IP6K2: variants seen among roughly 807,000 people sequenced by gnomAD.
IP6K2 encodes ATP:1D-myo-inositol-hexakisphosphate phosphotransferase.
IP6K2 carries 9 observed loss-of-function variants against 43.3 expected under a neutral mutation model. The observed-to-expected ratio is 0.21, with a 90% CI of 0.13 to 0.36. The LOEUF is 0.36. IP6K2 is among the 10% of genes least tolerant of loss of function. IP6K2 has a pLI of 1.00. For missense variants in IP6K2, 332 were observed against 538.4 expected (o/e 0.62, Z 3.79); for synonymous variants, 209 against 202.4 (o/e 1.03, Z -0.28).
chr3:48,715,590 T>C lies in IP6K2; in HGVS notation c.-131+1567A>G, dbSNP rs1011199494. The C allele has an allele frequency of 5.5e-6, 5 of 916,250 alleles. No homozygotes were observed. In the South Asian group the frequency reaches 6.4e-5, roughly 12 times the overall value. 56.8% of individuals were successfully genotyped at this position (916,250 alleles called of 1,614,324 possible). ...CTGATTTCTAGATCTCCCAGGTCCC[T>C]GCCTTGCTCCCTCCCTACCCAGGCC... On this transcript the variant is annotated intron_variant, in intron 1 of 5. Transcript: ENST00000328631.
At chr3:48,692,185 C>T (rs1349770381) in intron 3 of IP6K2, among the ~76,000 whole-genome samples, 1 of 152,170 alleles carries the variant, frequency 6.6e-6, no homozygotes, top group African/African-American at 2.4e-5. Flanking sequence ...GGTGGCTTAC[C>T]GTGTAAACAT....
rs1246712135 is a variant in IP6K2, at chr3:48,695,776, T to A, written c.-130-355A>T. Among the ~76,000 whole-genome samples, 2 of 151,062 alleles carry A rather than the reference T, an allele frequency of 1.3e-5. No individual in the cohort carries two copies. The highest frequency in any genetic ancestry group is 2.1e-4 in the South Asian group (1 of 4,824). On this transcript the variant is annotated intron_variant, in intron 1 of 5. Coordinates refer to ENST00000328631, the MANE Select transcript of IP6K2 (RefSeq NM_016291.4). This position sits in a 1 kb window ranked among gnomAD's most constrained non-coding sequence, Gnocchi z 4.6. ...TGGATTAAATCTTACCATTTTCTAA[T>A]AAGAGTGTCAAGCTTTAAGTGGATG... is the stretch of plus-strand genomic sequence containing the variant.
chr3:48,697,022 T>C (rs991520117), intron 1 of IP6K2, among the ~76,000 whole-genome samples: 2 of 144,654 alleles, frequency 1.4e-5, no homozygotes, highest in Admixed American at 1.4e-4. Flanking sequence ...GAATTTTTAC[T>C]TTTTTTTTTT....
rs2077921273 is a variant in IP6K2 at position 48,692,868 on chromosome 3, C to T, written c.428+86G>A. ...GGTACCTACTAAATCCACTTCAGTC[C>T]TTAGCTCCAGGGAACTGGGCTGTAA... On this transcript the variant is annotated intron_variant, in intron 3 of 5. Transcript: ENST00000328631. 2.7e-5 allele frequency: 26 copies of T among 946,098 alleles called. No individual in the cohort carries two copies. In the South Asian group the frequency reaches 3.8e-4, roughly 14 times the overall value. 58.6% of individuals were successfully genotyped at this position (946,098 alleles called of 1,614,324 possible).
intron 1 of IP6K2, among the ~76,000 whole-genome samples, chr3:48,706,485 T>C (rs1292456023): frequency 6.6e-6 from 1 of 152,104 alleles, no homozygotes; most frequent in African/African-American, 2.4e-5. Flanking sequence ...ATAGGATCAA[T>C]TACCCTTGAG....
chr3:48,694,484 C>G, intron 2 of IP6K2: 1 of 1,548,124 alleles, frequency 6.5e-7, no homozygotes. Flanking sequence ...CTCCCCCACT[C>G]CCCAACAAAG....
At chr3:48,710,276 G>C (rs1379438209) in intron 1 of IP6K2, among the ~76,000 whole-genome samples, 1 of 152,178 alleles carries the variant, frequency 6.6e-6, no homozygotes, top group East Asian at 1.9e-4. Flanking sequence ...TGTAGTCCTA[G>C]CTACTCAGAA....
intron 2 of IP6K2, 54 bp from the exon 3 acceptor site, chr3:48,693,233 G>A (rs1553636127): frequency 7.0e-7 from 1 of 1,430,068 alleles, no homozygotes. Context: ...AAGAAGCGTT[G>A]TAAGTAACAT....
In IP6K2 at chr3:48,695,202, T is replaced by C. The variant is rs747377400; in HGVS notation, c.90A>G (p.Ser30=). The C allele has an allele frequency of 1.9e-6, 3 of 1,585,492 alleles. No homozygotes were observed. The highest frequency in any genetic ancestry group is 2.6e-6 in the Non-Finnish European group (3 of 1,160,232). Residue 30 remains serine, a synonymous_variant, in exon 2 of 6, where the codon TCA becomes TCG. Transcript: ENST00000328631. The surrounding 1 kb of genome is among the most constrained non-coding windows in gnomAD (Gnocchi z 4.6). ...TTGTCTCATTGAAGCGGAGCACGCA[T>C]GAGTGCCCCCCGACCTGGTGGACAA... ...EPFVHQVGGH[S]CVLRFNETTL...
At chr3:48,696,280 C>A (rs1372790115) in intron 1 of IP6K2, among the ~76,000 whole-genome samples, 1 of 152,104 alleles carries the variant, frequency 6.6e-6, no homozygotes, top group Non-Finnish European at 1.5e-5. Context: ...AGGTTGTCTA[C>A]CCACACTGCT....
At position 48,692,973 on chromosome 3, in the gene IP6K2, T is replaced by C; in HGVS notation, c.409A>G (p.Lys137Glu). ...TPKDWVRQHR[K>E]EEKMKSHKLE... is the part of the protein sequence containing the mutation. Reference sequence around the variant, plus strand: ...ACTCACCTCTTCATTTTCTCCTCTTTACGGTGCTGACGCACCCAGTCCTTA... The same window carrying C: ...ACTCACCTCTTCATTTTCTCCTCTTCACGGTGCTGACGCACCCAGTCCTTA... The change falls in exon 3 of 6, where the codon AAA (lysine) becomes GAA (glutamate). Residue 137 changes from lysine (K) to glutamate (E), a missense_variant. By Grantham distance (56) the Lys-to-Glu change is moderately conservative. Transcript: ENST00000328631. 1 of 1,612,544 alleles carries C rather than the reference T, an allele frequency of 6.2e-7. No homozygotes were observed. The highest frequency in any genetic ancestry group is 8.5e-7 in the Non-Finnish European group (1 of 1,178,940).
intron 1 of IP6K2, among the ~76,000 whole-genome samples, chr3:48,705,364 T>C (rs919869007): frequency 6.6e-5 from 10 of 151,906 alleles, no homozygotes; most frequent in Non-Finnish European, 1.5e-4. Flanking sequence ...GCCTCACTTT[T>C]GATAAACTTT....
In IP6K2 at chr3:48,693,071, C is replaced by G; in HGVS notation, c.311G>C (p.Cys104Ser). ...CCTTAGGAGCTTACTTTTTGGTTCA[C>G]AGTCTGAATTATCTACAATGTCCAC... Reference protein sequence around the residue: ...GIVDIVDNSDCEPKSKLLRWT... With the variant: ...GIVDIVDNSDSEPKSKLLRWT... Residue 104 changes from cysteine to serine, a missense_variant, in exon 3 of 6, where the codon TGT (cysteine) becomes TCT (serine). By Grantham distance (112) the Cys-to-Ser change is moderately radical. Transcript: ENST00000328631. 1.9e-6 allele frequency: 3 copies of G among 1,614,174 alleles called. No individual in the cohort carries two copies. The highest frequency in any genetic ancestry group is 2.5e-6 in the Non-Finnish European group (3 of 1,179,988).
chr3:48,710,225 A>G (rs2080325710), intron 1 of IP6K2, among the ~76,000 whole-genome samples: 1 of 152,156 alleles, frequency 6.6e-6, no homozygotes, highest in African/African-American at 2.4e-5. Flanking sequence ...TGTCTTCACA[A>G]AAAATGTTTT....
At chr3:48,701,108 G>C (rs1411030111) in intron 1 of IP6K2, among the ~76,000 whole-genome samples, 1 of 152,136 alleles carries the variant, frequency 6.6e-6, no homozygotes, top group Non-Finnish European at 1.5e-5. Context: ...GGTGGCTCAC[G>C]CCTGTAGTCC....
At position 48,693,182 on chromosome 3, in the gene IP6K2, G is replaced by A; in HGVS notation, c.203-3C>T. 1.9e-6 allele frequency: 3 copies of A among 1,609,692 alleles called. No individual in the cohort carries two copies. The highest frequency in any genetic ancestry group is 2.6e-6 in the Non-Finnish European group (3 of 1,176,076). On this transcript the variant is annotated splice_polypyrimidine_tract_variant and splice_region_variant and intron_variant, in intron 2 of 5. Transcript: ENST00000328631. ...TTCAAAGCGCACAGATACCACACCT[G>A]GAAGGGGGTGAGGAGCAGAAAGAAC...
chr3:48,698,287 A>G (rs972465732), intron 1 of IP6K2, among the ~76,000 whole-genome samples: 1 of 152,198 alleles, frequency 6.6e-6, no homozygotes, highest in Non-Finnish European at 1.5e-5. Context: ...GTACTAAAGC[A>G]CATGTCAGGT....
At chr3:48,693,328 T>C (rs572996707) in intron 2 of IP6K2, 149 bp from the exon 3 acceptor site, 7 of 1,099,156 alleles carry the variant, frequency 6.4e-6, no homozygotes, top group South Asian at 3.8e-5. Context: ...ACTTAACAAA[T>C]ATCAAAACAG....
At chr3:48,698,067 A>G (rs1575645120) in intron 1 of IP6K2, among the ~76,000 whole-genome samples, 2 of 152,208 alleles carry the variant, frequency 1.3e-5, no homozygotes, top group Non-Finnish European at 2.9e-5. Flanking sequence ...TATTGAGAAG[A>G]GTCCAGAAAC....
Sources: allele counts gnomAD v4.1 joint callset (sites outside exome capture counted in the v4.1 genomes callset), GRCh38; gene constraint gnomAD v4.1.1; non-coding constraint Gnocchi (gnomAD v3.1); transcripts MANE v1.5; gene names NCBI Gene and HGNC (gene_info 2026-07-23, HGNC 2026-07-21).